Variants in RIN2 observed in about 807,000 individuals in gnomAD.
RIN2 encodes the protein Ras and Rab interactor 2.
RIN2 carries 36 observed loss-of-function variants against 78.0 expected under a neutral mutation model. The observed-to-expected ratio is 0.46, with a 90% confidence interval of 0.35 to 0.61. The LOEUF is 0.61. RIN2 is among the 20% of genes least tolerant of loss of function. The probability of loss-of-function intolerance (pLI) is 0.00; values close to 1 mark genes in which losing one functional copy is unlikely to be tolerated. For synonymous variants in RIN2, 466 were observed against 466.8 expected, an observed-to-expected ratio of 1.00 and a Z score of 0.02; for missense variants, 1,087 against 1,159.7, an observed-to-expected ratio of 0.94 and a Z score of 0.91.
intron 9 of RIN2, among the ~76,000 whole-genome samples, chr20:19,985,463 T>A (rs577031657): frequency 1.8e-4 from 28 of 152,344 alleles, no homozygotes; most frequent in African/African-American, 6.7e-4. Context: ...TTGATAAATA[T>A]TTTCAGAAAA....
intron 8 of RIN2, 47 bp downstream of exon 8, chr20:19,970,976 G>C: frequency 7.0e-7 from 1 of 1,437,014 alleles, no homozygotes; most frequent in Admixed American, 1.9e-5. Flanking sequence ...TGAATCCATG[G>C]AGCAGAGTCA....
chr20:19,985,358 A>C (rs1177729156), intron 9 of RIN2, among the ~76,000 whole-genome samples: 2 of 152,208 alleles, frequency 1.3e-5, no homozygotes, highest in Non-Finnish European at 2.9e-5. Context: ...ATAAATTATT[A>C]CAGTAAGTGA....
intron 2 of RIN2, among the ~76,000 whole-genome samples, chr20:19,820,990 G>A (rs1362969813): frequency 6.6e-6 from 1 of 152,162 alleles, no homozygotes; most frequent in African/African-American, 2.4e-5. Flanking sequence ...ACTGGCTCTT[G>A]TGAGCTGGTG....
At chr20:19,931,642 T>C (rs1467055851) in intron 3 of RIN2, among the ~76,000 whole-genome samples, 1 of 152,162 alleles carries the variant, frequency 6.6e-6, no homozygotes, top group Non-Finnish European at 1.5e-5. Flanking sequence ...TGTATCTTTT[T>C]CCTTGTGTTG....
intron 4 of RIN2, chr20:19,935,751 C>T: frequency 2.8e-6 from 1 of 357,534 alleles, no homozygotes; most frequent in Non-Finnish European, 3.9e-6. Flanking sequence ...GCACATACTG[C>T]ACACCGTCTG....
chr20:19,984,005 T>A (rs918057632), intron 9 of RIN2, among the ~76,000 whole-genome samples: 1 of 151,760 alleles, frequency 6.6e-6, no homozygotes, highest in African/African-American at 2.4e-5. Flanking sequence ...CATTAGGTAT[T>A]TCTCCTAATG....
chr20:19,975,611 T>G lies in RIN2; in HGVS notation c.1586T>G (p.Phe529Cys). 6.2e-7 allele frequency: 1 copy of G among 1,613,874 alleles called. No homozygotes were observed. Among genetic ancestry groups the G allele is most frequent in the Non-Finnish European group, 8.5e-7 (1 of 1,179,892 alleles). Residue 529 changes from phenylalanine to cysteine, a missense_variant, in exon 9 of 13, where the codon TTC (phenylalanine) becomes TGC (cysteine). Phe to Cys is a radical substitution (Grantham distance 205, BLOSUM62 -2). This residue lies in a region of RIN2 where 34 missense variants were observed against 46.1 expected (regional missense o/e 0.74). Transcript: ENST00000255006. This position sits in a 1 kb window ranked among gnomAD's most constrained non-coding sequence, Gnocchi z 4.9. ...AELSRDKCTY[F>C]GCLVQDYVSF... ...CTTTCCCGGGACAAATGCACCTACT[T>G]CGGGTGCTTAGTGCAGGACTACGTG...
intron 9 of RIN2, among the ~76,000 whole-genome samples, chr20:19,982,328 A>T (rs190186300): frequency 2.7e-4 from 41 of 152,292 alleles, no homozygotes; most frequent in Middle Eastern, 6.8e-3. Flanking sequence ...AAAGCTACCC[A>T]TTCAGACTTG....
chr20:19,771,576 C>T (rs1198912469), intron 1 of RIN2, among the ~76,000 whole-genome samples: 1 of 152,166 alleles, frequency 6.6e-6, no homozygotes, highest in African/African-American at 2.4e-5. Flanking sequence ...CTGTCGGTCT[C>T]GAGGGGTCCA....
At chr20:19,768,791 C>G (rs1190296020) in intron 1 of RIN2, among the ~76,000 whole-genome samples, 1 of 152,136 alleles carries the variant, frequency 6.6e-6, no homozygotes, top group Non-Finnish European at 1.5e-5. Flanking sequence ...CGTCTCTCCT[C>G]TATGTGCTTA....
intron 9 of RIN2, among the ~76,000 whole-genome samples, chr20:19,983,526 A>T (rs992626478): frequency 1.5e-5 from 2 of 134,410 alleles, no homozygotes; most frequent in African/African-American, 3.4e-5. Context: ...ACATTTTCAC[A>T]ATTTGACTTC....
chr20:19,767,205 C>T (rs1014377411), intron 1 of RIN2, among the ~76,000 whole-genome samples: 6 of 152,302 alleles, frequency 3.9e-5, no homozygotes, highest in Non-Finnish European at 7.3e-5. Context: ...GACAAACAGT[C>T]TGATTGAGTG....
chr20:19,842,387 C>CCTT (rs779821646), intron 2 of RIN2, among the ~76,000 whole-genome samples: 1 of 46,208 alleles, frequency 2.2e-5, no homozygotes, highest in African/African-American at 7.2e-5. Context: ...CCATCCCTGG[C>CCTT]TTTTTTTTTT....
chr20:19,844,606 CTTCTTCTTCTTCTTCTTCT>C (rs2036688127), intron 2 of RIN2, among the ~76,000 whole-genome samples: 3 of 49,050 alleles, frequency 6.1e-5, no homozygotes, highest in Non-Finnish European at 1.2e-4. Flanking sequence ...TCTTCCTCTT[CTTCTTCTTCTTCTTCTTCT>C]TCTTCTTCTT....
chr20:19,923,218 C>T (rs1227625786), intron 3 of RIN2, among the ~76,000 whole-genome samples: 3 of 151,612 alleles, frequency 2.0e-5, no homozygotes, highest in African/African-American at 7.3e-5. Context: ...GAGTTCGAGA[C>T]CAGCCTGGCC....
At chr20:19,876,701 T>C (rs1187354538) in intron 2 of RIN2, among the ~76,000 whole-genome samples, 1 of 152,014 alleles carries the variant, frequency 6.6e-6, no homozygotes, top group East Asian at 1.9e-4. Context: ...GATCAGGAGT[T>C]CAAGACCAGC....
chr20:19,940,267 G>A (rs912409962), intron 4 of RIN2, among the ~76,000 whole-genome samples: 9 of 152,164 alleles, frequency 5.9e-5, no homozygotes, highest in Admixed American at 1.3e-4. Flanking sequence ...CATAGAGCAC[G>A]CACTCGCAAG....
At chr20:19,889,308 G>T (rs1245103825) in intron 2 of RIN2, 5 of 1,173,870 alleles carry the variant, frequency 4.3e-6, no homozygotes, top group Non-Finnish European at 5.3e-6. Context: ...TAATCATTAG[G>T]CTTCCTGAAG....
chr20:19,862,399 C>T (rs559493301), intron 2 of RIN2, among the ~76,000 whole-genome samples: 1 of 152,138 alleles, frequency 6.6e-6, no homozygotes, highest in African/African-American at 2.4e-5. Flanking sequence ...CGAGACCAGC[C>T]TGGCCAACAT....
Sources: allele counts gnomAD v4.1 joint callset (sites outside exome capture counted in the v4.1 genomes callset), GRCh38; gene constraint gnomAD v4.1.1; regional missense constraint gnomAD v4.1.1; non-coding constraint Gnocchi (gnomAD v3.1); transcripts MANE v1.5; gene names NCBI Gene and HGNC (gene_info 2026-07-23, HGNC 2026-07-21).